The following EFNA5 variants were observed in gnomAD, a reference collection of about 807,000 sequenced individuals.
EFNA5 encodes ephrin-A5.
EFNA5 carries 5 observed loss-of-function variants against 22.9 expected under a neutral mutation model. The ratio of observed to expected loss-of-function variants is 0.22; its 90% CI spans 0.11 to 0.46. The LOEUF is 0.46. EFNA5 is among the 20% of genes least tolerant of loss of function. EFNA5 has a pLI of 0.99. For missense variants in EFNA5, 237 were observed against 293.3 expected, an observed-to-expected ratio of 0.81 and a Z score of 1.40; for synonymous variants, 113 against 112.2, an observed-to-expected ratio of 1.01 and a Z score of -0.04.
intron 2 of EFNA5, among the ~76,000 whole-genome samples, chr5:107,392,161 G>A (rs1747807296): frequency 1.3e-5 from 2 of 152,202 alleles, no homozygotes; most frequent in Admixed American, 1.3e-4. Flanking sequence ...CATCATGCTT[G>A]TGGCGGGCAG....
intron 1 of EFNA5, among the ~76,000 whole-genome samples, chr5:107,571,101 T>G (rs1249892571): frequency 6.6e-6 from 1 of 152,096 alleles, no homozygotes; most frequent in Non-Finnish European, 1.5e-5. Flanking sequence ...AATCCAAGAA[T>G]GGGGCCCAGG....
At chr5:107,651,838 A>G (rs1437346574) in intron 1 of EFNA5, among the ~76,000 whole-genome samples, 1 of 152,172 alleles carries the variant, frequency 6.6e-6, no homozygotes, top group African/African-American at 2.4e-5. Flanking sequence ...AAGATCTTCA[A>G]CATTTACCAG....
intron 1 of EFNA5, among the ~76,000 whole-genome samples, chr5:107,447,570 A>C (rs555459669): frequency 6.6e-6 from 1 of 152,300 alleles, no homozygotes; most frequent in South Asian, 2.1e-4. Context: ...ACTCCAATAA[A>C]GTGCTATAAA....
chr5:107,469,665 T>A (rs1245093582), intron 1 of EFNA5, among the ~76,000 whole-genome samples: 1 of 152,140 alleles, frequency 6.6e-6, no homozygotes, highest in Non-Finnish European at 1.5e-5. Context: ...CTTTATTTTT[T>A]TTTTTTACCA....
At chr5:107,393,302 T>C (rs545256245) in intron 2 of EFNA5, among the ~76,000 whole-genome samples, 6 of 152,268 alleles carry the variant, frequency 3.9e-5, no homozygotes, top group East Asian at 1.9e-4. Flanking sequence ...TTCAAACAAC[T>C]CAAAAGTTCC....
intron 1 of EFNA5, among the ~76,000 whole-genome samples, chr5:107,574,026 T>A (rs938127680): frequency 6.6e-6 from 1 of 152,314 alleles, no homozygotes; most frequent in East Asian, 1.9e-4. Context: ...AAAATGCACA[T>A]CTATATTTAT....
At chr5:107,438,463 C>G (rs1749174287) in intron 1 of EFNA5, among the ~76,000 whole-genome samples, 1 of 152,222 alleles carries the variant, frequency 6.6e-6, no homozygotes, top group Non-Finnish European at 1.5e-5. Flanking sequence ...TCCCAGCAAC[C>G]ATGAGCTGGA....
chr5:107,540,273 T>C (rs1748017310), intron 1 of EFNA5, among the ~76,000 whole-genome samples: 1 of 152,170 alleles, frequency 6.6e-6, no homozygotes, highest in Non-Finnish European at 1.5e-5. Flanking sequence ...AAGCACAAAA[T>C]AGTTATTCTA....
At chr5:107,624,540 T>G (rs960407883) in intron 1 of EFNA5, among the ~76,000 whole-genome samples, 1 of 152,166 alleles carries the variant, frequency 6.6e-6, no homozygotes, top group African/African-American at 2.4e-5. Context: ...GGTGTCTATA[T>G]TCCTTTGTCA....
intron 1 of EFNA5, among the ~76,000 whole-genome samples, chr5:107,466,786 T>C (rs1169138253): frequency 1.3e-5 from 2 of 152,086 alleles, no homozygotes; most frequent in South Asian, 2.1e-4. Flanking sequence ...GGGTGGGCCA[T>C]CAGGAAAGGG....
chr5:107,500,592 A>G, intron 1 of EFNA5, among the ~76,000 whole-genome samples: 1 of 152,036 alleles, frequency 6.6e-6, no homozygotes, highest in East Asian at 1.9e-4. Context: ...CTATCCTCAT[A>G]TGGTGTGGCT....
chr5:107,620,052 A>G (rs1218498617), intron 1 of EFNA5, among the ~76,000 whole-genome samples: 2 of 152,234 alleles, frequency 1.3e-5, no homozygotes, highest in African/African-American at 2.4e-5. Context: ...TGAGCTTCTC[A>G]GATAGGAGAT....
chr5:107,532,686 G>T lies in EFNA5; in HGVS notation c.126-105177C>A, dbSNP rs528515880. ...GACCGAATCTGAGTGAGGAAGGCTG[G>T]GCACCAGAGTGACCTCTACCCCACC... On this transcript the variant is annotated intron_variant, in intron 1 of 4. Coordinates refer to ENST00000333274, the MANE Select transcript of EFNA5 (RefSeq NM_001962.3). Among the ~76,000 whole-genome samples the T allele has an allele frequency of 1.0e-3, 153 of 152,304 alleles. 5 individuals are homozygous for T. In the South Asian group the frequency reaches 0.031, roughly 31 times the overall value.
chr5:107,428,404 C>T (rs572652359), intron 1 of EFNA5, among the ~76,000 whole-genome samples: 3 of 152,262 alleles, frequency 2.0e-5, no homozygotes, highest in South Asian at 2.1e-4. Context: ...AATGTACACA[C>T]CTGAATACAC....
At chr5:107,385,982 C>T (rs252815) in intron 4 of EFNA5, among the ~76,000 whole-genome samples, 124,874 of 151,782 alleles carry the variant, frequency 0.82, 51,761 homozygotes, top group African/African-American at 0.85. Flanking sequence ...TCTAACTCTT[C>T]CTGTCAGTTT....
At chr5:107,648,845 A>T (rs1293684100) in intron 1 of EFNA5, among the ~76,000 whole-genome samples, 3 of 152,224 alleles carry the variant, frequency 2.0e-5, no homozygotes, top group Admixed American at 1.3e-4. Flanking sequence ...AAAGTAAAAA[A>T]GAAAACTTCT....
chr5:107,451,432 A>G (rs1377424140), intron 1 of EFNA5, among the ~76,000 whole-genome samples: 2 of 152,224 alleles, frequency 1.3e-5, no homozygotes, highest in Admixed American at 6.5e-5. Context: ...AAGAGCCACA[A>G]ATAGACTCAA....
At chr5:107,465,051 T>C (rs1027356776) in intron 1 of EFNA5, among the ~76,000 whole-genome samples, 1 of 143,306 alleles carries the variant, frequency 7.0e-6, no homozygotes, top group Non-Finnish European at 1.5e-5. Flanking sequence ...AAACTTTCCA[T>C]TCTGTGTGAG....
intron 2 of EFNA5, among the ~76,000 whole-genome samples, chr5:107,403,228 G>A (rs1446418305): frequency 1.3e-5 from 2 of 152,164 alleles, no homozygotes; most frequent in African/African-American, 4.8e-5. Flanking sequence ...ACCAAAATGA[G>A]TTGCACAACT....
Sources: allele counts gnomAD v4.1 joint callset (sites outside exome capture counted in the v4.1 genomes callset), GRCh38; gene constraint gnomAD v4.1.1; transcripts MANE v1.5; gene names NCBI Gene and HGNC (gene_info 2026-07-23, HGNC 2026-07-21).